The following CRTC1 variants were observed in gnomAD, a reference collection of about 807,000 sequenced individuals.
CRTC1 encodes the protein CREB-regulated transcription coactivator 1.
In CRTC1, 18 loss-of-function variants were observed where a neutral mutation model predicts 66.1. The ratio of observed to expected loss-of-function variants is 0.27; its 90% CI spans 0.19 to 0.40. The LOEUF (loss-of-function observed/expected upper bound fraction) is 0.40, where lower values mean the gene tolerates loss of function less well. Ranked by LOEUF, CRTC1 falls within the 10% of genes least tolerant of loss-of-function variation. CRTC1 has a pLI of 1.00. For synonymous variants in CRTC1, 416 were observed against 398.8 expected (o/e 1.04, Z -0.51); for missense variants, 669 against 887.9 (o/e 0.75, Z 3.13).
intron 1 of CRTC1, among the ~76,000 whole-genome samples, chr19:18,738,353 C>T (rs2054042426): frequency 6.6e-6 from 1 of 152,004 alleles, no homozygotes; most frequent in South Asian, 2.1e-4. Context: ...GAAGTAAAAA[C>T]TATAAAAAGA....
chr19:18,753,275 C>CTAAATAAATAAA (rs59575360), intron 5 of CRTC1, among the ~76,000 whole-genome samples: 162 of 146,064 alleles, frequency 1.1e-3, no homozygotes, highest in African/African-American at 3.4e-3. Context: ...GACTCCGTCT[C>CTAAATAAATAAA]TAAATAAATA....
At chr19:18,731,764 C>G (rs2053893940) in intron 1 of CRTC1, among the ~76,000 whole-genome samples, 1 of 152,190 alleles carries the variant, frequency 6.6e-6, no homozygotes, top group Non-Finnish European at 1.5e-5. Context: ...TCCAGAAACA[C>G]CGCCCACAGC....
intron 5 of CRTC1, among the ~76,000 whole-genome samples, chr19:18,752,161 A>AG (rs1555785360): frequency 5.9e-5 from 9 of 151,500 alleles, no homozygotes; most frequent in Admixed American, 1.3e-4. Context: ...AAAAAAAAAA[A>AG]AAAGAAAGAA....
At chr19:18,759,297 G>GA (rs2145802832) in intron 6 of CRTC1, among the ~76,000 whole-genome samples, 1 of 152,368 alleles carries the variant, frequency 6.6e-6, no homozygotes, top group South Asian at 2.1e-4. Context: ...GGAGCAGGGG[G>GA]AGGGGACCCA....
chr19:18,706,678 A>AT (rs2053274052), intron 1 of CRTC1, among the ~76,000 whole-genome samples: 1 of 151,634 alleles, frequency 6.6e-6, no homozygotes, highest in East Asian at 1.9e-4. Context: ...TTTAGGGTGG[A>AT]TTTTTTTCTA....
rs536793433 is a variant in CRTC1, at chr19:18,696,471, C to G, written c.126+12643C>G. 1.7e-3 allele frequency among the ~76,000 whole-genome samples: 264 copies of G among 152,272 alleles called. 1 individual carries two copies. In the South Asian group the frequency reaches 0.025, roughly 15 times the overall value. The stretch of plus-strand genomic sequence containing the variant: ...TGTGCACAGTGGATTGTTGCAGTAA[C>G]TCATGAGAAAGGGCCTGTTGCCTGC... On this transcript the variant is annotated intron_variant, in intron 1 of 13. Coordinates refer to ENST00000321949, the MANE Select transcript of CRTC1 (RefSeq NM_015321.3).
rs974699219 is a variant in CRTC1, at chr19:18,774,523, G to A, written c.1426-377G>A. Among the ~76,000 whole-genome samples, 6 of 152,214 alleles carry A rather than the reference G, an allele frequency of 3.9e-5. No homozygotes were observed. The South Asian group carries it at 6.2e-4, about 16-fold the overall frequency. On this transcript the variant is annotated intron_variant, in intron 11 of 13. Coordinates refer to ENST00000321949, the MANE Select transcript of CRTC1 (RefSeq NM_015321.3). ...GTGCACTTTCTGTCCTGAATGTAAC[G>A]TCTGGGCACTTCCCGCCTTGGCCCT... is the stretch of plus-strand genomic sequence containing the variant.
chr19:18,745,757 T>C, intron 2 of CRTC1, 66 bp from the exon 3 acceptor site: 1 of 1,602,598 alleles, frequency 6.2e-7, no homozygotes, highest in Non-Finnish European at 8.5e-7. Context: ...GGGCCAGCGC[T>C]GGGGCCACAG....
At position 18,777,086 on chromosome 19, in the gene CRTC1, C is replaced by A; in HGVS notation, c.1694-85C>A. ...AGCATACCCAGGGGACAGAGTCGCCCGGCGGGCATGCCTGGTCCGACACAT... is the reference window on the plus strand; with the variant it reads ...AGCATACCCAGGGGACAGAGTCGCCAGGCGGGCATGCCTGGTCCGACACAT... On this transcript the variant is annotated intron_variant, in intron 13 of 13. Transcript: ENST00000321949. This position sits in a 1 kb window ranked among gnomAD's most constrained non-coding sequence, Gnocchi z 5.5. The A allele has an allele frequency of 2.6e-6, 2 of 775,088 alleles. No homozygotes were observed. The highest frequency in any genetic ancestry group is 1.5e-5 in the South Asian group (1 of 64,812). 48.0% of individuals were successfully genotyped at this position (775,088 alleles called of 1,614,324 possible). A position where few individuals can be genotyped will look rare whatever the true frequency, so the allele number is the denominator to read the frequency against.
At chr19:18,688,167 A>G (rs923057629) in intron 1 of CRTC1, among the ~76,000 whole-genome samples, 5 of 152,112 alleles carry the variant, frequency 3.3e-5, no homozygotes, top group Non-Finnish European at 5.9e-5. Flanking sequence ...ATCCGAATGA[A>G]GCAGACGCCC....
chr19:18,688,160 C>T (rs141905448), intron 1 of CRTC1, among the ~76,000 whole-genome samples: 29 of 152,158 alleles, frequency 1.9e-4, no homozygotes, highest in African/African-American at 6.5e-4. Flanking sequence ...TCAATGCATC[C>T]GAATGAAGCA....
chr19:18,753,445 C>A, intron 5 of CRTC1, 55 bp from the exon 6 acceptor site: 3 of 1,322,872 alleles, frequency 2.3e-6, no homozygotes, highest in South Asian at 1.2e-5. Flanking sequence ...TACCACCATG[C>A]GGCTGCAAAG....
chr19:18,768,782 G>A lies in CRTC1; in HGVS notation c.1309G>A (p.Asp437Asn), dbSNP rs762168870. 1.4e-5 allele frequency: 22 copies of A among 1,600,674 alleles called. No homozygotes were observed. Among genetic ancestry groups the A allele is most frequent in the Non-Finnish European group, 1.8e-5 (21 of 1,174,888 alleles). The change falls in exon 10 of 14, where the codon GAC (aspartate) becomes AAC (asparagine). Residue 437 changes from aspartate (D) to asparagine (N), a missense_variant. This residue lies in a region of CRTC1 where 241 missense variants were observed against 242.2 expected (regional missense o/e 0.99). Coordinates refer to ENST00000321949, the MANE Select transcript of CRTC1 (RefSeq NM_015321.3). The surrounding 1 kb of genome is among the most constrained non-coding windows in gnomAD (Gnocchi z 5.6). ...ENPGQPSMGI[D>N]IASAPALQQY... ...CCCTGGCCAGCCATCGATGGGGATC[G>A]ACATCGCCTCGGTAAGCCCAGGGTG...
At chr19:18,759,821 C>T (rs1356262395) in intron 7 of CRTC1, among the ~76,000 whole-genome samples, 187 bp from the exon 8 acceptor site, 2 of 152,070 alleles carry the variant, frequency 1.3e-5, no homozygotes. Flanking sequence ...CCCCACCGTC[C>T]TCACCGGGTG....
In CRTC1 at chr19:18,717,518, A is replaced by G. The variant is rs146678533; in HGVS notation, c.127-25392A>G. ...AACACTGTCCCCTCAGAAGGGTCGT[A>G]GTGCTCACTCACAGGAGCCTGTGTT... On this transcript the variant is annotated intron_variant, in intron 1 of 13. Transcript: ENST00000321949. Among the ~76,000 whole-genome samples the G allele has an allele frequency of 5.2e-3, 784 of 152,212 alleles. 2 individuals carry two copies. The highest frequency in any genetic ancestry group is 8.3e-3 in the Non-Finnish European group (563 of 67,986).
chr19:18,719,436 G>C (rs1226139845), intron 1 of CRTC1, among the ~76,000 whole-genome samples: 1 of 152,232 alleles, frequency 6.6e-6, no homozygotes, highest in Non-Finnish European at 1.5e-5. Flanking sequence ...GGGGTACCAG[G>C]TGGGCCCCGG....
At chr19:18,734,580 A>T (rs2053958183) in intron 1 of CRTC1, among the ~76,000 whole-genome samples, 1 of 151,710 alleles carries the variant, frequency 6.6e-6, no homozygotes, top group South Asian at 2.1e-4. Flanking sequence ...GCTACTTAGG[A>T]GGCTGAGATG....
chr19:18,714,358 A>G (rs928038544), intron 1 of CRTC1, among the ~76,000 whole-genome samples: 1 of 151,830 alleles, frequency 6.6e-6, no homozygotes, highest in African/African-American at 2.4e-5. Flanking sequence ...CCTAGGCTGG[A>G]GTACGGTGGT....
At position 18,780,350 on chromosome 19, in the gene CRTC1, G is replaced by A. The variant is rs368903976; in HGVS notation, c.*2968G>A. ...GGCGTCCCCACCTTCCTGTTTCGCC[G>A]ACGTCACTACCCAGGGTGGCAAGTC... is the stretch of plus-strand genomic sequence containing the variant. On this transcript the variant is annotated 3_prime_UTR_variant, in exon 14 of 14. Coordinates refer to ENST00000321949, the MANE Select transcript of CRTC1 (RefSeq NM_015321.3). 7.8e-5 allele frequency: 18 copies of A among 232,068 alleles called. No individual in the cohort carries two copies. The highest frequency in any genetic ancestry group is 3.7e-4 in the African/African-American group (17 of 45,366). The allele number at this position is 232,068 out of a possible 1,614,324, so 14.4% of individuals were successfully genotyped here.
Sources: allele counts gnomAD v4.1 joint callset (sites outside exome capture counted in the v4.1 genomes callset), GRCh38; gene constraint gnomAD v4.1.1; regional missense constraint gnomAD v4.1.1; non-coding constraint Gnocchi (gnomAD v3.1); transcripts MANE v1.5; gene names NCBI Gene and HGNC (gene_info 2026-07-23, HGNC 2026-07-21).